The following RSPH9 variants were observed in gnomAD, a reference collection of about 807,000 sequenced individuals.
The protein encoded by RSPH9 is radial spoke head component 9.
RSPH9 carries 27 observed loss-of-function variants against 27.0 expected under a neutral mutation model. The observed-to-expected ratio is 1.00, with a 90% CI of 0.74 to 1.38. The LOEUF (loss-of-function observed/expected upper bound fraction) is 1.38. Ranked by LOEUF, RSPH9 falls within the 40% of genes most tolerant of loss-of-function variation. RSPH9 has a pLI of 0.00. For missense variants in RSPH9, 347 were observed against 357.4 expected, an observed-to-expected ratio of 0.97 and a Z score of 0.24; for synonymous variants, 145 against 147.7, an observed-to-expected ratio of 0.98 and a Z score of 0.13.
chr6:43,659,628 T>C (rs1772404206), intron 4 of RSPH9, among the ~76,000 whole-genome samples: 1 of 152,100 alleles, frequency 6.6e-6, no homozygotes, highest in Non-Finnish European at 1.5e-5. Flanking sequence ...GTGATCCGCC[T>C]GCCTCAGCCT....
intron 4 of RSPH9, among the ~76,000 whole-genome samples, chr6:43,657,386 C>T (rs1420108709): frequency 5.3e-5 from 8 of 152,322 alleles, no homozygotes; most frequent in African/African-American, 1.7e-4. Flanking sequence ...CCGTACTCAG[C>T]TCTTGCCATG....
Position 43,672,375 on chromosome 6 carries a change from C to G in RSPH9, c.*1426C>G, listed in dbSNP as rs1159538816. 4 of 471,832 alleles carry G rather than the reference C, an allele frequency of 8.5e-6. No individual in the cohort carries two copies. In the Admixed American group the frequency reaches 9.4e-5, roughly 11 times the overall value. The allele number at this position is 471,832 out of a possible 1,614,324, so 29.2% of individuals were successfully genotyped here. A position where few individuals can be genotyped will look rare whatever the true frequency, so the allele number is the denominator to read the frequency against. Reference sequence around the variant, plus strand: ...ACTATAACTGGTATAAGACCCCTGCCCCTCACCCAACCTGTGATGGGAATC... The same window carrying G: ...ACTATAACTGGTATAAGACCCCTGCGCCTCACCCAACCTGTGATGGGAATC... On this transcript the variant is annotated 3_prime_UTR_variant, in exon 5 of 5. Coordinates refer to ENST00000372163, the MANE Select transcript of RSPH9 (RefSeq NM_152732.5).
chr6:43,657,975 C>A (rs1772195903), intron 4 of RSPH9, among the ~76,000 whole-genome samples: 1 of 152,090 alleles, frequency 6.6e-6, no homozygotes. Context: ...GTGCCTAACA[C>A]ATAGTAAGGA....
rs764143406 is a variant in RSPH9, at chr6:43,645,060, C to T, written c.-39C>T. 1.3e-6 allele frequency: 2 copies of T among 1,580,316 alleles called. No homozygotes were observed. Among genetic ancestry groups the T allele is most frequent in the Admixed American group, 1.7e-5 (1 of 59,868 alleles). On this transcript the variant is annotated 5_prime_UTR_variant, in exon 1 of 5. Transcript: ENST00000372163. Reference sequence around the variant, plus strand: ...CAGGTCTCCATGGAGGCGGCTTCTCCTAGCAACTCGACGGGCGTTGAGCGG... The same window carrying T: ...CAGGTCTCCATGGAGGCGGCTTCTCTTAGCAACTCGACGGGCGTTGAGCGG...
intron 4 of RSPH9, among the ~76,000 whole-genome samples, chr6:43,669,893 C>T (rs1773541600): frequency 1.3e-5 from 2 of 152,228 alleles, no homozygotes; most frequent in African/African-American, 4.8e-5. Flanking sequence ...AGGACAAAGG[C>T]TCATTAGGGG....
At chr6:43,667,154 A>C (rs932818954) in intron 4 of RSPH9, among the ~76,000 whole-genome samples, 9 of 152,224 alleles carry the variant, frequency 5.9e-5, no homozygotes, top group Non-Finnish European at 1.2e-4. Context: ...TGCCCTTGGA[A>C]TAAGAAAAAC....
At chr6:43,666,530 C>A in intron 4 of RSPH9, 1 of 1,522,512 alleles carries the variant, frequency 6.6e-7, no homozygotes, top group Non-Finnish European at 8.9e-7. Context: ...GGTAGGCCAA[C>A]GACTCCGCAT....
chr6:43,668,593 C>G (rs1409379405), intron 4 of RSPH9, among the ~76,000 whole-genome samples: 2 of 152,198 alleles, frequency 1.3e-5, no homozygotes, highest in Non-Finnish European at 2.9e-5. Context: ...CTACTGGAGG[C>G]AAGAGGTGGC....
Position 43,671,440 on chromosome 6 carries a change from G to A in RSPH9, c.*491G>A, listed in dbSNP as rs568590559. The A allele has an allele frequency of 2.5e-5, 11 of 440,276 alleles. No individual in the cohort carries two copies. The highest frequency in any genetic ancestry group is 7.6e-5 in the South Asian group (3 of 39,622). 27.3% of individuals were successfully genotyped at this position (440,276 alleles called of 1,614,324 possible). A position where few individuals can be genotyped will look rare whatever the true frequency, so the allele number is the denominator to read the frequency against. On this transcript the variant is annotated 3_prime_UTR_variant, in exon 5 of 5. Transcript: ENST00000372163. ...CCCCTGCACTTCCCAAGCAGTGAGCGCACACCCAATGGGTAAGCCCATGAA... is the reference window on the plus strand; with the variant it reads ...CCCCTGCACTTCCCAAGCAGTGAGCACACACCCAATGGGTAAGCCCATGAA...
chr6:43,659,091 T>G (rs1250616459), intron 4 of RSPH9, among the ~76,000 whole-genome samples: 17 of 152,212 alleles, frequency 1.1e-4, no homozygotes, highest in Admixed American at 8.5e-4. Flanking sequence ...TGCTCATCTG[T>G]AAGAAGCAAC....
intron 4 of RSPH9, among the ~76,000 whole-genome samples, chr6:43,662,194 G>A (rs1772699078): frequency 6.6e-6 from 1 of 152,046 alleles, no homozygotes; most frequent in African/African-American, 2.4e-5. Context: ...ACTAACCTTT[G>A]TTAGCTTCCA....
intron 1 of RSPH9, among the ~76,000 whole-genome samples, chr6:43,647,619 A>G (rs911703152): frequency 6.6e-6 from 1 of 152,218 alleles, no homozygotes; most frequent in Non-Finnish European, 1.5e-5. Context: ...GTAGGAGAGA[A>G]TTCAGGGGCA....
At chr6:43,666,403 A>G in intron 4 of RSPH9, 1 of 1,533,338 alleles carries the variant, frequency 6.5e-7, no homozygotes, top group Non-Finnish European at 8.8e-7. Flanking sequence ...CTGGCCAGTT[A>G]GGATAACTGT....
intron 4 of RSPH9, among the ~76,000 whole-genome samples, chr6:43,664,595 C>A (rs569014044): frequency 6.6e-6 from 1 of 152,320 alleles, no homozygotes; most frequent in African/African-American, 2.4e-5. Context: ...TACTGCAGTG[C>A]CCCAGGGGCC....
chr6:43,652,808 G>A (rs181989564), intron 2 of RSPH9, among the ~76,000 whole-genome samples: 4 of 149,520 alleles, frequency 2.7e-5, no homozygotes, highest in East Asian at 4.0e-4. Flanking sequence ...TGTAGGTTTC[G>A]AAGTTTTATT....
At chr6:43,660,672 C>T (rs543170828) in intron 4 of RSPH9, among the ~76,000 whole-genome samples, 98 of 152,188 alleles carry the variant, frequency 6.4e-4, no homozygotes, top group African/African-American at 2.3e-3. Context: ...ACCGTGTTAG[C>T]CAGGGTAGTC....
At chr6:43,651,940 G>A (rs535936181) in intron 2 of RSPH9, among the ~76,000 whole-genome samples, 3 of 152,204 alleles carry the variant, frequency 2.0e-5, no homozygotes, top group South Asian at 4.1e-4. Context: ...TGGATCAGAA[G>A]CTTCACCATG....
intron 4 of RSPH9, among the ~76,000 whole-genome samples, chr6:43,660,039 C>CTTTTTT (rs1163299257): frequency 2.7e-5 from 3 of 109,348 alleles, no homozygotes; most frequent in Non-Finnish European, 1.9e-5. Context: ...CCAGCCTGGC[C>CTTTTTT]TTTTTTTTTT....
At chr6:43,645,357 G>C (rs1215681754) in intron 1 of RSPH9, 32 bp downstream of exon 1, 1 of 1,561,114 alleles carries the variant, frequency 6.4e-7, no homozygotes, top group South Asian at 1.1e-5. Context: ...GCTCCCCAGA[G>C]GGTGGCTACC....
Sources: allele counts gnomAD v4.1 joint callset (sites outside exome capture counted in the v4.1 genomes callset), GRCh38; gene constraint gnomAD v4.1.1; transcripts MANE v1.5; gene names NCBI Gene and HGNC (gene_info 2026-07-23, HGNC 2026-07-21).